Variants in CYBA observed in about 807,000 individuals in gnomAD.
CYBA encodes the protein cytochrome b-245 light chain.
CYBA carries 21 observed loss-of-function variants against 20.8 expected under a neutral mutation model. That is an observed-to-expected ratio of 1.01 (90% CI 0.72 to 1.46). The LOEUF (loss-of-function observed/expected upper bound fraction) is 1.46, where lower values mean the gene tolerates loss of function less well. Ranked by LOEUF, CYBA falls within the 40% of genes most tolerant of loss-of-function variation. CYBA has a pLI of 0.00. For missense variants in CYBA, 344 were observed against 287.0 expected, an observed-to-expected ratio of 1.20 and a Z score of -1.43; for synonymous variants, 164 against 127.5, an observed-to-expected ratio of 1.29 and a Z score of -1.93.
intron 2 of CYBA, chr16:88,647,795 G>A (rs1270176931): frequency 3.4e-6 from 2 of 587,216 alleles, no homozygotes; most frequent in Admixed American, 2.8e-5. Flanking sequence ...TGCTGGCCCT[G>A]GCCCTCTGGT....
chr16:88,650,436 G>C (rs967195019), intron 1 of CYBA: 6 of 458,192 alleles, frequency 1.3e-5, no homozygotes, highest in African/African-American at 4.0e-5. Flanking sequence ...GGGTGGTTTC[G>C]GCGCCTTGTG....
chr16:88,644,159 C>T (rs1313176505), intron 5 of CYBA, among the ~76,000 whole-genome samples: 1 of 152,228 alleles, frequency 6.6e-6, no homozygotes, highest in Non-Finnish European at 1.5e-5. Flanking sequence ...GTGTGCTTTT[C>T]ATCTTCTATC....
intron 2 of CYBA, 117 bp from the exon 3 acceptor site, chr16:88,647,292 A>G: frequency 3.0e-6 from 3 of 1,002,420 alleles, no homozygotes; most frequent in South Asian, 2.7e-5. Flanking sequence ...CTGGAATCCC[A>G]GCATTTTGGG....
intron 4 of CYBA, 75 bp downstream of exon 4, chr16:88,646,680 C>T (rs902829496): frequency 9.4e-6 from 13 of 1,376,238 alleles, no homozygotes; most frequent in East Asian, 2.3e-5. Context: ...CCAGGCAGCC[C>T]GGCCGGTGGG....
chr16:88,647,722 C>T lies in CYBA; in HGVS notation c.128+323G>A, dbSNP rs376496682. On this transcript the variant is annotated intron_variant, in intron 2 of 5. Transcript: ENST00000261623. Reference sequence around the variant, plus strand: ...GGGCAGAGGAGGTAGAGGGGCCGGTCAAGGGGGATGACTGACAGGAGCGGG... The same window carrying T: ...GGGCAGAGGAGGTAGAGGGGCCGGTTAAGGGGGATGACTGACAGGAGCGGG... 7.4e-4 allele frequency: 349 copies of T among 471,602 alleles called. 1 individual carries two copies. The highest frequency in any genetic ancestry group is 4.0e-3 in the East Asian group (99 of 24,666). 29.2% of individuals were successfully genotyped at this position (471,602 alleles called of 1,614,324 possible).
At chr16:88,648,729 T>G (rs1907385963) in intron 1 of CYBA, among the ~76,000 whole-genome samples, 1 of 150,902 alleles carries the variant, frequency 6.6e-6, no homozygotes, top group Admixed American at 6.6e-5. Context: ...GCAATTCTCC[T>G]GCCTCAGCCT....
chr16:88,649,917 C>T lies in CYBA; in HGVS notation c.58+1039G>A, dbSNP rs371521304. ...AGTGCGGGGCAGGCAGGGTGAGTCT[C>T]ACGGGGCAGCTCTGGGGAGAGCTGT... On this transcript the variant is annotated intron_variant, in intron 1 of 5. Coordinates refer to ENST00000261623, the MANE Select transcript of CYBA (RefSeq NM_000101.4). 3.4e-4 allele frequency among the ~76,000 whole-genome samples: 52 copies of T among 152,304 alleles called. 1 individual carries two copies. In the South Asian group the frequency reaches 3.5e-3, roughly 10 times the overall value.
rs1907144477 is a variant in CYBA, at chr16:88,643,302, GCA to G, written c.*49_*50del. On this transcript the variant is annotated 3_prime_UTR_variant, in exon 6 of 6. Transcript: ENST00000261623. This position sits in a 1 kb window ranked among gnomAD's most constrained non-coding sequence, Gnocchi z 4.3. ...AGGCTCACGCGCTCCCGGCTTCGCT[GCA>G]TTTATTGCAGGTGGGTGCACCTGGC... 1 of 1,350,502 alleles carries G rather than the reference GCA, an allele frequency of 7.4e-7. No individual in the cohort carries two copies. The highest frequency in any genetic ancestry group is 1.5e-5 in the African/African-American group (1 of 64,846). The allele number at this position is 1,350,502 out of a possible 1,614,324, so 83.7% of individuals were successfully genotyped here.
At chr16:88,650,331 C>A (rs766844904) in intron 1 of CYBA, 24 of 455,848 alleles carry the variant, frequency 5.3e-5, no homozygotes, top group African/African-American at 3.6e-4. Flanking sequence ...CTCACCAGAA[C>A]CTCTGAGCAA....
chr16:88,643,519 C>G lies in CYBA; in HGVS notation c.422G>C (p.Arg141Pro). Residue 141 changes from arginine (R) to proline (P), a missense_variant, in exon 6 of 6, where the codon CGG becomes CCG. Coordinates refer to ENST00000261623, the MANE Select transcript of CYBA (RefSeq NM_000101.4). This position sits in a 1 kb window ranked among gnomAD's most constrained non-coding sequence, Gnocchi z 4.3. The part of the protein sequence containing the change: ...WTPIEPKPRE[R>P]PQIGGTIKQP... ...CTTGATGGTGCCTCCGATCTGCGGC[C>G]GCTCCCGGGGCTTGGGCTCGATGGG... 4 of 1,534,810 alleles carry G rather than the reference C, an allele frequency of 2.6e-6. No homozygotes were observed. Among genetic ancestry groups the G allele is most frequent in the Non-Finnish European group, 3.5e-6 (4 of 1,146,498 alleles).
At position 88,643,497 on chromosome 16, in the gene CYBA, G is replaced by A. The variant is rs2142869830; in HGVS notation, c.444C>T (p.Ile148=). ...GCGGGGGGTTGCTGGGCGGCTGCTT[G>A]ATGGTGCCTCCGATCTGCGGCCGCT... The part of the protein sequence containing the change: ...PRERPQIGGT[I]KQPPSNPPPR... The change falls in exon 6 of 6, where the codon ATC becomes ATT. Residue 148 remains isoleucine (I), a synonymous_variant. Coordinates refer to ENST00000261623, the MANE Select transcript of CYBA (RefSeq NM_000101.4). The surrounding 1 kb of genome is among the most constrained non-coding windows in gnomAD (Gnocchi z 4.3). 1 of 1,534,196 alleles carries A rather than the reference G, an allele frequency of 6.5e-7. No individual in the cohort carries two copies. The highest frequency in any genetic ancestry group is 8.7e-7 in the Non-Finnish European group (1 of 1,145,878).
intron 1 of CYBA, 110 bp downstream of exon 1, chr16:88,650,846 G>T: frequency 8.0e-7 from 1 of 1,246,776 alleles, no homozygotes; most frequent in South Asian, 1.3e-5. Flanking sequence ...GGCCCGGCCT[G>T]GCCCGCCTGG....
At chr16:88,649,080 C>CAG (rs879437882) in intron 1 of CYBA, among the ~76,000 whole-genome samples, 17,246 of 151,510 alleles carry the variant, frequency 0.11, 1,022 homozygotes, top group South Asian at 0.16. Context: ...TGGGACTATG[C>CAG]GCGCCTGCCA....
intron 5 of CYBA, chr16:88,644,903 G>A: frequency 1.8e-6 from 1 of 547,240 alleles, no homozygotes; most frequent in Non-Finnish European, 3.3e-6. Flanking sequence ...CAACTCAAGG[G>A]AGAAGAAACT....
rs889390969 is a variant in CYBA at position 88,643,547 on chromosome 16, T to C, written c.394A>G (p.Thr132Ala). 4 of 1,534,126 alleles carry C rather than the reference T, an allele frequency of 2.6e-6. No individual in the cohort carries two copies. The highest frequency in any genetic ancestry group is 2.3e-4 in the Middle Eastern group (1 of 4,356). The change falls in exon 6 of 6, where the codon ACG (threonine) becomes GCG (alanine). Residue 132 changes from threonine (T) to alanine (A), a missense_variant. Physicochemically the swap from Thr to Ala is moderately conservative, Grantham distance 58. Coordinates refer to ENST00000261623, the MANE Select transcript of CYBA (RefSeq NM_000101.4). The surrounding 1 kb of genome is among the most constrained non-coding windows in gnomAD (Gnocchi z 4.3). ...TCCCGGGGCTTGGGCTCGATGGGCGTCCACTGCTCGCCACGCACAGCCGCC... is the reference window on the plus strand; with the variant it reads ...TCCCGGGGCTTGGGCTCGATGGGCGCCCACTGCTCGCCACGCACAGCCGCC... ...LLAAVRGEQWTPIEPKPRERP... is the reference protein window; with the variant it reads ...LLAAVRGEQWAPIEPKPRERP...
intron 1 of CYBA, among the ~76,000 whole-genome samples, chr16:88,648,316 C>T (rs72558369): frequency 1.1e-4 from 16 of 152,204 alleles, no homozygotes; most frequent in Admixed American, 2.6e-4. Flanking sequence ...CACGGGCTGG[C>T]GGAGGGGGTG....
intron 4 of CYBA, chr16:88,646,410 C>A: frequency 4.5e-6 from 1 of 221,568 alleles, no homozygotes; most frequent in South Asian, 3.2e-5. Context: ...GAGGAAGCAG[C>A]CACGTGTGGG....
intron 5 of CYBA, chr16:88,645,273 G>A (rs1334336582): frequency 1.4e-6 from 1 of 702,352 alleles, no homozygotes; most frequent in Admixed American, 2.0e-5. Context: ...CTAAAGGAGA[G>A]TTCTGCCGGT....
Position 88,643,362 on chromosome 16 carries a change from C to T in CYBA, c.579G>A (p.Glu193=). 1.3e-6 allele frequency: 2 copies of T among 1,526,964 alleles called. No homozygotes were observed. The highest frequency in any genetic ancestry group is 1.8e-6 in the Non-Finnish European group (2 of 1,139,722). 94.6% of individuals were successfully genotyped at this position (1,526,964 alleles called of 1,614,324 possible). A position where few individuals can be genotyped will look rare whatever the true frequency, so the allele number is the denominator to read the frequency against. Residue 193 remains glutamate, a synonymous_variant, in exon 6 of 6, where the codon GAG becomes GAA. Coordinates refer to ENST00000261623, the MANE Select transcript of CYBA (RefSeq NM_000101.4). The surrounding 1 kb of genome is among the most constrained non-coding windows in gnomAD (Gnocchi z 4.3). ...CAGGTCCGGGGCGAGGTCACACGAC[C>T]TCGTCGGTCACCGGGATGGGGTTGA... ...PQVNPIPVTD[E]VV
Sources: allele counts gnomAD v4.1 joint callset (sites outside exome capture counted in the v4.1 genomes callset), GRCh38; gene constraint gnomAD v4.1.1; non-coding constraint Gnocchi (gnomAD v3.1); transcripts MANE v1.5; gene names NCBI Gene and HGNC (gene_info 2026-07-23, HGNC 2026-07-21).